The following B3GALT1 variants were observed in gnomAD, a reference collection of about 807,000 sequenced individuals.
B3GALT1 encodes the protein beta-1,3-galactosyltransferase 1.
In B3GALT1, 10 loss-of-function variants were observed where a neutral mutation model predicts 23.2. That is an observed-to-expected ratio of 0.43 (90% CI 0.27 to 0.73). The LOEUF (loss-of-function observed/expected upper bound fraction) is 0.73, where lower values mean the gene tolerates loss of function less well. B3GALT1 is among the 30% of genes least tolerant of loss of function. B3GALT1 has a pLI of 0.21. For synonymous variants in B3GALT1, 156 were observed against 141.5 expected, an observed-to-expected ratio of 1.10 and a Z score of -0.73; for missense variants, 299 against 405.4, an observed-to-expected ratio of 0.74 and a Z score of 2.25.
chr2:167,542,231 T>A (rs1386586664), intron 2 of B3GALT1, among the ~76,000 whole-genome samples: 1 of 152,126 alleles, frequency 6.6e-6, no homozygotes, highest in Non-Finnish European at 1.5e-5. Flanking sequence ...AATTTATAGA[T>A]GTTCTCTTTG....
chr2:167,490,114 A>G (rs1223982579), intron 1 of B3GALT1, 63 bp from the exon 2 acceptor site: 1 of 152,194 alleles, frequency 6.6e-6, no homozygotes, highest in Non-Finnish European at 1.5e-5. Flanking sequence ...ACAACTTGAA[A>G]CAAAGTGCTA....
chr2:167,716,730 C>T (rs1313050354), intron 3 of B3GALT1, among the ~76,000 whole-genome samples: 1 of 152,100 alleles, frequency 6.6e-6, no homozygotes, highest in Non-Finnish European at 1.5e-5. Context: ...TGTATCAATT[C>T]TTGTTTCTCT....
intron 4 of B3GALT1, among the ~76,000 whole-genome samples, chr2:167,861,557 G>T (rs542848794): frequency 6.6e-6 from 1 of 152,234 alleles, no homozygotes; most frequent in Admixed American, 6.5e-5. Flanking sequence ...GCCAAGCAAA[G>T]GAGACAAAAA....
intron 3 of B3GALT1, among the ~76,000 whole-genome samples, chr2:167,703,177 G>C (rs1006852412): frequency 2.0e-4 from 31 of 152,168 alleles, no homozygotes; most frequent in African/African-American, 6.5e-4. Flanking sequence ...GAAGAAGTAG[G>C]TGTCATTTTC....
chr2:167,481,374 C>T (rs1388315886), intron 1 of B3GALT1, among the ~76,000 whole-genome samples: 1 of 152,106 alleles, frequency 6.6e-6, no homozygotes, highest in African/African-American at 2.4e-5. Context: ...AGCTTATCTC[C>T]ATAAGCTAAA....
intron 2 of B3GALT1, among the ~76,000 whole-genome samples, chr2:167,565,392 A>G (rs191595196): frequency 6.6e-6 from 1 of 152,302 alleles, no homozygotes; most frequent in Admixed American, 6.5e-5. Flanking sequence ...CAGACCTAAA[A>G]CCACAAAAAC....
At chr2:167,642,731 T>C (rs571582842) in intron 2 of B3GALT1, among the ~76,000 whole-genome samples, 66 of 152,242 alleles carry the variant, frequency 4.3e-4, no homozygotes, top group African/African-American at 1.4e-3. Flanking sequence ...TATATTTACT[T>C]GTTGAGTTGT....
chr2:167,646,841 G>C (rs549979801), intron 2 of B3GALT1, among the ~76,000 whole-genome samples, 68 bp from the exon 3 acceptor site: 1 of 152,092 alleles, frequency 6.6e-6, no homozygotes, highest in Non-Finnish European at 1.5e-5. Context: ...GATTTGTATA[G>C]GGCTTTTTTA....
intron 3 of B3GALT1, among the ~76,000 whole-genome samples, chr2:167,757,436 A>C (rs1047469279): frequency 2.0e-5 from 3 of 152,122 alleles, no homozygotes; most frequent in African/African-American, 4.8e-5. Context: ...TAGGTGAGCA[A>C]CTTCTAGATG....
chr2:167,845,479 C>G (rs180839816), intron 4 of B3GALT1, among the ~76,000 whole-genome samples: 293 of 152,282 alleles, frequency 1.9e-3, no homozygotes, highest in Admixed American at 3.3e-3. Flanking sequence ...TACGGAGTGG[C>G]TAGACCCAGA....
At chr2:167,559,055 C>T (rs940300494) in intron 2 of B3GALT1, among the ~76,000 whole-genome samples, 8 of 152,196 alleles carry the variant, frequency 5.3e-5, no homozygotes, top group Middle Eastern at 3.2e-3. Context: ...CTGGGAGGCA[C>T]CCCCCAGCAG....
chr2:167,313,122 C>A (rs888649683), intron 1 of B3GALT1, among the ~76,000 whole-genome samples: 21 of 152,188 alleles, frequency 1.4e-4, no homozygotes, highest in African/African-American at 4.8e-4. Context: ...CCAGATGCTA[C>A]AACAACTTGG....
At position 167,676,538 on chromosome 2, in the gene B3GALT1, CACACACACACACACACAT is replaced by C. The variant is rs1271236045; in HGVS notation, c.-352+29574_-352+29591del. ...TTATACACACACACACACACACACACACACACACACACACACATATATATGTGTATGCATTTCTTTTGA... is the reference window on the plus strand; with the variant it reads ...TTATACACACACACACACACACACACATATATGTGTATGCATTTCTTTTGA... On this transcript the variant is annotated intron_variant, in intron 3 of 4. Coordinates refer to ENST00000392690, the MANE Select transcript of B3GALT1 (RefSeq NM_020981.4). Among the ~76,000 whole-genome samples the C allele has an allele frequency of 4.8e-4, 73 of 150,892 alleles. 1 individual carries two copies. Among genetic ancestry groups the C allele is most frequent in the African/African-American group, 1.8e-3 (72 of 40,556 alleles).
At chr2:167,297,445 A>G (rs1247384163) in intron 1 of B3GALT1, among the ~76,000 whole-genome samples, 1 of 151,966 alleles carries the variant, frequency 6.6e-6, no homozygotes, top group Non-Finnish European at 1.5e-5. Flanking sequence ...AAGTTTATGC[A>G]TCAAAAAAAT....
At chr2:167,354,412 T>C (rs1170169975) in intron 1 of B3GALT1, among the ~76,000 whole-genome samples, 1 of 151,236 alleles carries the variant, frequency 6.6e-6, no homozygotes, top group East Asian at 1.9e-4. Context: ...AGTGGTGCGA[T>C]CTCGGCTCAC....
At chr2:167,727,406 C>T (rs561153817) in intron 3 of B3GALT1, among the ~76,000 whole-genome samples, 14 of 152,226 alleles carry the variant, frequency 9.2e-5, no homozygotes, top group East Asian at 5.8e-4. Context: ...TAAGATAATA[C>T]GCATTGGCTC....
chr2:167,396,370 A>C (rs540050466), intron 1 of B3GALT1, among the ~76,000 whole-genome samples: 65 of 152,008 alleles, frequency 4.3e-4, no homozygotes, highest in African/African-American at 1.5e-3. Context: ...AGGAATGCTT[A>C]GTAAATAGAG....
intron 3 of B3GALT1, among the ~76,000 whole-genome samples, chr2:167,694,616 C>T (rs1004930755): frequency 6.6e-6 from 1 of 152,060 alleles, no homozygotes; most frequent in African/African-American, 2.4e-5. Flanking sequence ...CTTTTCTGTT[C>T]ATCAAGGAGA....
intron 3 of B3GALT1, among the ~76,000 whole-genome samples, chr2:167,705,766 A>G (rs1034654140): frequency 1.3e-5 from 2 of 152,192 alleles, no homozygotes; most frequent in African/African-American, 4.8e-5. Flanking sequence ...TCACACTCAT[A>G]TTCCAGCATC....
Sources: gnomAD v4.1 joint callset for allele counts (sites outside exome capture counted in the v4.1 genomes callset) on GRCh38, gnomAD v4.1.1 for gene constraint, MANE v1.5 for transcripts, NCBI Gene and HGNC (gene_info 2026-07-23, HGNC 2026-07-21) for gene names.